The following RYR1 variants were observed in gnomAD, a reference collection of about 807,000 sequenced individuals.
RYR1 encodes the protein ryanodine receptor 1.
RYR1 carries 342 observed loss-of-function variants against 583.5 expected under a neutral mutation model. That is an observed-to-expected ratio of 0.59 (90% CI 0.54 to 0.64). RYR1 has a LOEUF of 0.64. RYR1 is among the 30% of genes least tolerant of loss of function. RYR1 has a pLI of 0.00. For missense variants in RYR1, 6,032 were observed against 6,917.2 expected, an observed-to-expected ratio of 0.87 and a Z score of 4.54; for synonymous variants, 2,791 against 2,822.5, an observed-to-expected ratio of 0.99 and a Z score of 0.35.
chr19:38,502,820 G>C lies in RYR1; in HGVS notation c.7836-60G>C, dbSNP rs1027593338. ...GGGCAGGGGCAGGGGGAGGAGCAGG[G>C]GCAGGGGCAGCAGAGCGGGCCTGGA... On this transcript the variant is annotated intron_variant, in intron 48 of 105. Transcript: ENST00000359596. 4.9e-5 allele frequency: 75 copies of C among 1,524,396 alleles called. 3 individuals carry two copies. The highest frequency in any genetic ancestry group is 6.5e-5 in the Non-Finnish European group (74 of 1,131,804). 94.4% of individuals were successfully genotyped at this position (1,524,396 alleles called of 1,614,324 possible). A position where few individuals can be genotyped will look rare whatever the true frequency, so the allele number is the denominator to read the frequency against.
At chr19:38,454,444 C>G (rs1305185864) in intron 13 of RYR1, among the ~76,000 whole-genome samples, 2 of 152,198 alleles carry the variant, frequency 1.3e-5, no homozygotes. Context: ...ATGTGCCTTA[C>G]TGAGAAAATA....
chr19:38,510,236 G>T (rs991391752), intron 58 of RYR1, among the ~76,000 whole-genome samples: 42 of 152,026 alleles, frequency 2.8e-4, no homozygotes, highest in African/African-American at 9.9e-4. Flanking sequence ...CAGGAGAATC[G>T]CTTGAACTCA....
rs751878748 is a variant in RYR1, at chr19:38,455,556, C to A, written c.1672+10C>A. 1.9e-5 allele frequency: 30 copies of A among 1,613,748 alleles called. No homozygotes were observed. Among genetic ancestry groups the A allele is most frequent in the Non-Finnish European group, 2.5e-5 (29 of 1,179,834 alleles). On this transcript the variant is annotated intron_variant, in intron 15 of 105. Transcript: ENST00000359596. ...CTGGAGGCCTCGTCTGGTAGGAGAA[C>A]CCGGGGGAGTGGGACAGAGGCTTGT...
In RYR1 at chr19:38,527,034, C is replaced by A. The variant is rs1249159964; in HGVS notation, c.10668C>A (p.Asn3556Lys). 2 of 1,613,842 alleles carry A rather than the reference C, an allele frequency of 1.2e-6. No homozygotes were observed. Among genetic ancestry groups the A allele is most frequent in the African/African-American group, 1.3e-5 (1 of 74,894 alleles). The change falls in exon 72 of 106, where the codon AAC (asparagine) becomes AAA (lysine). Residue 3556 changes from asparagine (N) to lysine (K), a missense_variant. Coordinates refer to ENST00000359596, the MANE Select transcript of RYR1 (RefSeq NM_000540.3). ...DEEVREFLHN[N>K]LHLQGKVEGS... ...AGGTCCGGGAATTTCTGCACAACAA[C>A]CTTCACCTTCAGGGAAAGGTATGCC...
chr19:38,475,568 A>G (rs1968680085), intron 29 of RYR1, 118 bp downstream of exon 29: 6 of 1,236,224 alleles, frequency 4.9e-6, no homozygotes, highest in East Asian at 4.8e-5. Flanking sequence ...GGACTCCCCA[A>G]TATACACTAG....
rs375160141 is a variant in RYR1 at position 38,486,002 on chromosome 19, G to A, written c.5347G>A (p.Val1783Met). The change falls in exon 34 of 106, where the codon GTG (valine) becomes ATG (methionine). Residue 1783 changes from valine to methionine, a missense_variant. Physicochemically the swap from Val to Met is conservative, Grantham distance 21 (BLOSUM62 1). This residue lies in a region of RYR1 where 2,627 missense variants were observed against 2,961.3 expected (regional missense o/e 0.89). Transcript: ENST00000359596. ...GCATCATTTCTCGCCCCCCTGTTTC[G>A]TGGCCGCTCTGCCAGCTGCTGGGGC... Reference protein sequence around the residue: ...PPHHFSPPCFVAALPAAGAAE... With the variant: ...PPHHFSPPCFMAALPAAGAAE... The A allele has an allele frequency of 1.5e-5, 24 of 1,613,460 alleles. No individual in the cohort carries two copies. Among genetic ancestry groups the A allele is most frequent in the Non-Finnish European group, 1.8e-5 (21 of 1,179,912 alleles).
At chr19:38,441,692 T>C (rs531359806) in intron 2 of RYR1, among the ~76,000 whole-genome samples, 2 of 73,648 alleles carry the variant, frequency 2.7e-5, no homozygotes, top group African/African-American at 5.2e-5. Context: ...GGAGGAGACC[T>C]GGAGGAGGGG....
Position 38,505,847 on chromosome 19 carries a change from G to A in RYR1, c.8442G>A (p.Lys2814=), listed in dbSNP as rs771306571. The part of the protein sequence containing the change: ...IYRWPIKESL[K]AMIAWEWTIE... Reference sequence around the variant, plus strand: ...GCTGGCCCATCAAGGAGTCCCTGAAGGCCATGATTGCCTGGGAATGGACGA... The same window carrying A: ...GCTGGCCCATCAAGGAGTCCCTGAAAGCCATGATTGCCTGGGAATGGACGA... Residue 2814 remains lysine, a synonymous_variant, in exon 54 of 106, where the codon AAG becomes AAA. Coordinates refer to ENST00000359596, the MANE Select transcript of RYR1 (RefSeq NM_000540.3). 1.3e-4 allele frequency: 213 copies of A among 1,614,184 alleles called. No individual in the cohort carries two copies. Among genetic ancestry groups the A allele is most frequent in the Non-Finnish European group, 2.2e-5 (26 of 1,180,036 alleles).
chr19:38,482,916 C>T, intron 31 of RYR1, 111 bp from the exon 32 acceptor site: 1 of 932,118 alleles, frequency 1.1e-6, no homozygotes, highest in Non-Finnish European at 1.8e-6. Context: ...CATTTTGGAG[C>T]CTCTAACGCC....
intron 103 of RYR1, 26 bp downstream of exon 103, chr19:38,586,028 G>C: frequency 1.9e-6 from 3 of 1,614,112 alleles, no homozygotes; most frequent in Non-Finnish European, 2.5e-6. Context: ...GGGTGACCCA[G>C]AGGGATTACG....
At position 38,517,360 on chromosome 19, in the gene RYR1, C is replaced by G. The variant is rs1474596981; in HGVS notation, c.9687C>G (p.Ile3229Met). The G allele has an allele frequency of 1.1e-5, 18 of 1,613,228 alleles. No individual in the cohort carries two copies. The highest frequency in any genetic ancestry group is 1.4e-5 in the Non-Finnish European group (17 of 1,179,996). The change falls in exon 66 of 106, where the codon ATC (isoleucine) becomes ATG (methionine). Residue 3229 changes from isoleucine (I) to methionine (M), a missense_variant and splice_region_variant. By Grantham distance (10) the Ile-to-Met change is conservative. This residue lies in a region of RYR1 where 1,493 missense variants were observed against 1,715.5 expected (regional missense o/e 0.87). Transcript: ENST00000359596. The part of the protein sequence containing the change: ...YTTKSPRERA[I>M]LGLPNSVEEM... Reference sequence around the variant, plus strand: ...CCTGCCCCCGTCCCTGTACCCCAGTCCTGGGGCTCCCCAACAGTGTGGAGG... The same window carrying G: ...CCTGCCCCCGTCCCTGTACCCCAGTGCTGGGGCTCCCCAACAGTGTGGAGG...
chr19:38,490,277 G>A lies in RYR1; in HGVS notation c.6015+1G>A, dbSNP rs778701012. 1 of 1,613,458 alleles carries A rather than the reference G, an allele frequency of 6.2e-7. No homozygotes were observed. Among genetic ancestry groups the A allele is most frequent in the South Asian group, 1.1e-5 (1 of 90,974 alleles). On this transcript the variant is annotated splice_donor_variant, in intron 36 of 105. Coordinates refer to ENST00000359596, the MANE Select transcript of RYR1 (RefSeq NM_000540.3). LOFTEE classifies it high-confidence loss of function. ...GTTCCGCTCCCCACCCCAGGAACAG[G>A]TCATCTGACCCCTGACGCTGGCCAC...
At chr19:38,470,503 G>A (rs902473634) in intron 27 of RYR1, among the ~76,000 whole-genome samples, 1 of 151,744 alleles carries the variant, frequency 6.6e-6, no homozygotes, top group African/African-American at 2.4e-5. Flanking sequence ...ACTTTGGGAG[G>A]CCAAGGCGGG....
rs1970379392 is a variant in RYR1 at position 38,505,066 on chromosome 19, G to A, written c.8295G>A (p.Lys2765=). ...INKFAEYTHE[K]WAFDKIQNNW... ...AGTTTGCGGAGTACACACACGAGAA[G>A]TGGGCCTTCGACAAGGTTGGCCTCA... The change falls in exon 52 of 106, where the codon AAG becomes AAA. Residue 2765 remains lysine (K), a synonymous_variant. Coordinates refer to ENST00000359596, the MANE Select transcript of RYR1 (RefSeq NM_000540.3). 6.2e-7 allele frequency: 1 copy of A among 1,614,022 alleles called. No homozygotes were observed. Among genetic ancestry groups the A allele is most frequent in the Admixed American group, 1.7e-5 (1 of 60,000 alleles).
At chr19:38,550,628 A>C (rs984694133) in intron 89 of RYR1, among the ~76,000 whole-genome samples, 3 of 151,992 alleles carry the variant, frequency 2.0e-5, no homozygotes, top group African/African-American at 7.2e-5. Context: ...CTCCTGCCTC[A>C]GCCACCCAAA....
At chr19:38,576,385 G>GT (rs1262477237) in intron 97 of RYR1, among the ~76,000 whole-genome samples, 2 of 152,152 alleles carry the variant, frequency 1.3e-5, no homozygotes, top group Non-Finnish European at 2.9e-5. Context: ...GGAGGCAGAA[G>GT]TTGCAGTGAG....
chr19:38,481,163 G>A (rs905816247), intron 31 of RYR1, among the ~76,000 whole-genome samples: 1 of 152,048 alleles, frequency 6.6e-6, no homozygotes, highest in African/African-American at 2.4e-5. Context: ...GTCTCATTCT[G>A]TCACCCAGGC....
chr19:38,579,974 G>GCCCA lies in RYR1; in HGVS notation c.14365-6_14365-3dup. 6.2e-7 allele frequency: 1 copy of GCCCA among 1,614,072 alleles called. No individual in the cohort carries two copies. Among genetic ancestry groups the GCCCA allele is most frequent in the African/African-American group, 1.3e-5 (1 of 75,030 alleles). On this transcript the variant is annotated splice_polypyrimidine_tract_variant and splice_region_variant and intron_variant, in intron 99 of 105. Coordinates refer to ENST00000359596, the MANE Select transcript of RYR1 (RefSeq NM_000540.3). ...TTCCCCCTGACCCCTGGCCCTGTGTGCCCACAGTCCTTCCTGTACCTGGGC... is the reference window on the plus strand; with the variant it reads ...TTCCCCCTGACCCCTGGCCCTGTGTGCCCACCCACAGTCCTTCCTGTACCTGGGC...
intron 11 of RYR1, 61 bp from the exon 12 acceptor site, chr19:38,451,703 T>C (rs1967081232): frequency 6.2e-7 from 1 of 1,608,540 alleles, no homozygotes; most frequent in Admixed American, 1.7e-5. Context: ...TAGACAGACG[T>C]CTTGGGGGCA....
Sources: allele counts gnomAD v4.1 joint callset (sites outside exome capture counted in the v4.1 genomes callset), GRCh38; gene constraint gnomAD v4.1.1; regional missense constraint gnomAD v4.1.1; transcripts MANE v1.5; gene names NCBI Gene and HGNC (gene_info 2026-07-23, HGNC 2026-07-21).